The following ADCY2 variants were observed in gnomAD, a reference collection of about 807,000 sequenced individuals.
ADCY2 encodes the protein adenylate cyclase 2, also known as adenylate cyclase type 2.
Under a neutral mutation model 125.2 loss-of-function variants are expected in ADCY2, and 31 were observed. The ratio of observed to expected loss-of-function variants is 0.25; its 90% CI spans 0.19 to 0.33. The LOEUF (loss-of-function observed/expected upper bound fraction) is 0.33, where lower values mean the gene tolerates loss of function less well. Ranked by LOEUF, ADCY2 falls within the 10% of genes least tolerant of loss-of-function variation. The pLI is 1.00. For missense variants in ADCY2, 904 were observed against 1,418.2 expected, an observed-to-expected ratio of 0.64 and a Z score of 5.82; for synonymous variants, 512 against 548.4, an observed-to-expected ratio of 0.93 and a Z score of 0.93.
chr5:7,740,576 C>T lies in ADCY2; in HGVS notation c.1872-3092C>T, dbSNP rs190649095. On this transcript the variant is annotated intron_variant, in intron 14 of 24. Coordinates refer to ENST00000338316, the MANE Select transcript of ADCY2 (RefSeq NM_020546.3). ...GAAGTTGAGCATATTTATCACATCC[C>T]AGAAGAAAAATAAATTGTCAAAGTG... Among the ~76,000 whole-genome samples the T allele has an allele frequency of 6.9e-3, 1,042 of 151,944 alleles. 5 individuals carry two copies. Among genetic ancestry groups the T allele is most frequent in the Non-Finnish European group, 0.011 (731 of 67,874 alleles).
chr5:7,683,518 A>G (rs934576774), intron 4 of ADCY2, among the ~76,000 whole-genome samples: 3 of 152,184 alleles, frequency 2.0e-5, no homozygotes, highest in Admixed American at 2.0e-4. Flanking sequence ...GCTCAAAGTC[A>G]CTATCTGTGA....
At chr5:7,465,516 T>C (rs1302424850) in intron 2 of ADCY2, among the ~76,000 whole-genome samples, 1 of 152,140 alleles carries the variant, frequency 6.6e-6, no homozygotes, top group East Asian at 1.9e-4. Flanking sequence ...TGTGCACAGG[T>C]GTTGCAAGCT....
chr5:7,676,215 T>C (rs893249115), intron 4 of ADCY2, among the ~76,000 whole-genome samples: 1 of 152,246 alleles, frequency 6.6e-6, no homozygotes, highest in Non-Finnish European at 1.5e-5. Context: ...AAGGATCTTC[T>C]GCTCTGTCAT....
At chr5:7,424,710 T>C (rs1379828542) in intron 2 of ADCY2, among the ~76,000 whole-genome samples, 1 of 152,212 alleles carries the variant, frequency 6.6e-6, no homozygotes, top group African/African-American at 2.4e-5. Context: ...TTTTCACTCC[T>C]CACATGAATC....
At chr5:7,783,423 TCAGGATTCAAACC>T (rs1207719299) in intron 18 of ADCY2, among the ~76,000 whole-genome samples, 1 of 152,020 alleles carries the variant, frequency 6.6e-6, no homozygotes, top group Non-Finnish European at 1.5e-5. Context: ...GTCCTATAGC[TCAGGATTCAAACC>T]CAGGCTCTCT....
At chr5:7,561,547 G>A (rs571231269) in intron 3 of ADCY2, among the ~76,000 whole-genome samples, 1 of 136,514 alleles carries the variant, frequency 7.3e-6, no homozygotes, top group South Asian at 2.1e-4. Flanking sequence ...TGCAGTGCAT[G>A]GCCGTATAAA....
intron 2 of ADCY2, among the ~76,000 whole-genome samples, chr5:7,425,085 G>T (rs1039882335): frequency 2.0e-5 from 3 of 152,160 alleles, no homozygotes; most frequent in Admixed American, 2.0e-4. Flanking sequence ...GCCCAGTGCT[G>T]CTCACTGTCT....
chr5:7,683,297 C>A (rs768934206), intron 4 of ADCY2, among the ~76,000 whole-genome samples: 1 of 152,232 alleles, frequency 6.6e-6, no homozygotes, highest in Non-Finnish European at 1.5e-5. Flanking sequence ...CCTCTCCCCA[C>A]GTCAGAGCAG....
chr5:7,513,132 A>AAG (rs372436725), intron 2 of ADCY2, among the ~76,000 whole-genome samples: 3 of 128,282 alleles, frequency 2.3e-5, no homozygotes, highest in South Asian at 2.5e-4. Context: ...GAGAGAGAGC[A>AAG]AGAGAGAGAG....
intron 3 of ADCY2, among the ~76,000 whole-genome samples, chr5:7,589,502 G>T (rs1561112522): frequency 1.6e-5 from 1 of 61,916 alleles, no homozygotes; most frequent in Admixed American, 2.5e-4. Flanking sequence ...AAGAAAGAAA[G>T]AAAGAAAGAA....
intron 14 of ADCY2, among the ~76,000 whole-genome samples, chr5:7,741,681 CACCGTCACCATCATCACCATA>C (rs1742422140): frequency 5.6e-4 from 1 of 1,800 alleles, no homozygotes; most frequent in African/African-American, 2.0e-3. Context: ...TCATCACCAT[CACCGTCACCATCATCACCATA>C]ACCATCTCTA....
intron 1 of ADCY2, among the ~76,000 whole-genome samples, chr5:7,408,871 A>G (rs1321350545): frequency 6.6e-6 from 1 of 152,182 alleles, no homozygotes; most frequent in African/African-American, 2.4e-5. Flanking sequence ...CAGCAATCCC[A>G]TTACTGGGTA....
intron 2 of ADCY2, among the ~76,000 whole-genome samples, chr5:7,502,347 A>G (rs1219587201): frequency 6.6e-6 from 1 of 151,914 alleles, no homozygotes; most frequent in Non-Finnish European, 1.5e-5. Flanking sequence ...CCTGCTATGG[A>G]CACTTTCGTC....
intron 2 of ADCY2, among the ~76,000 whole-genome samples, chr5:7,442,601 T>C (rs1284561900): frequency 6.6e-6 from 1 of 152,148 alleles, no homozygotes; most frequent in Non-Finnish European, 1.5e-5. Flanking sequence ...CACTGCTCTT[T>C]CTCTCACTGC....
intron 3 of ADCY2, among the ~76,000 whole-genome samples, chr5:7,599,353 C>G (rs1737120562): frequency 6.6e-6 from 1 of 152,112 alleles, no homozygotes; most frequent in African/African-American, 2.4e-5. Context: ...AAACTGAGAG[C>G]TTACTGACTG....
intron 12 of ADCY2, among the ~76,000 whole-genome samples, chr5:7,724,217 T>C (rs1221139338): frequency 6.6e-6 from 1 of 151,746 alleles, no homozygotes; most frequent in East Asian, 1.9e-4. Context: ...AATCAAATTA[T>C]TGATGTCTTT....
rs867050438 is a variant in ADCY2 at position 7,771,858 on chromosome 5, A to T, written c.2215-1074A>T. On this transcript the variant is annotated intron_variant, in intron 17 of 24. Transcript: ENST00000338316. ...TATTTTTAAAGACAAGGTTTAAAAA[A>T]CATCAATAAGATCTATGTTTTATTA... Among the ~76,000 whole-genome samples, 15 of 152,348 alleles carry T rather than the reference A, an allele frequency of 9.8e-5. No individual in the cohort carries two copies. In the Middle Eastern group the frequency reaches 0.014, roughly 138 times the overall value.
At chr5:7,523,315 T>TAAG (rs1744528495) in intron 3 of ADCY2, among the ~76,000 whole-genome samples, 1 of 135,714 alleles carries the variant, frequency 7.4e-6, no homozygotes, top group African/African-American at 2.7e-5. Context: ...CCTGCATTGG[T>TAAG]AAAAAAAAAA....
intron 11 of ADCY2, 42 bp from the exon 12 acceptor site, chr5:7,717,115 A>C: frequency 7.5e-7 from 1 of 1,341,152 alleles, no homozygotes; most frequent in Non-Finnish European, 1.0e-6. Context: ...TATTTATTTT[A>C]CTAATAATAT....
Sources: gnomAD v4.1 joint callset for allele counts (sites outside exome capture counted in the v4.1 genomes callset) on GRCh38, gnomAD v4.1.1 for gene constraint, MANE v1.5 for transcripts, NCBI Gene and HGNC (gene_info 2026-07-23, HGNC 2026-07-21) for gene names.